The following PCCB variants were observed in gnomAD, a reference collection of about 807,000 sequenced individuals.
The protein encoded by PCCB is propionyl-CoA carboxylase beta chain, mitochondrial.
PCCB carries 43 observed loss-of-function variants against 60.7 expected under a neutral mutation model. The observed-to-expected ratio is 0.71, with a 90% CI of 0.55 to 0.91. PCCB has a LOEUF of 0.91. Ranked by LOEUF, PCCB falls within the 40% of genes least tolerant of loss-of-function variation. The pLI is 0.00. For synonymous variants in PCCB, 276 were observed against 255.9 expected (o/e 1.08, Z -0.75); for missense variants, 766 against 702.8 (o/e 1.09, Z -1.02).
In PCCB at chr3:136,279,663, A is replaced by T. The variant is rs1387275343; in HGVS notation, c.544-4174A>T. On this transcript the variant is annotated intron_variant, in intron 5 of 14. Coordinates refer to ENST00000251654, the MANE Select transcript of PCCB (RefSeq NM_000532.5). ...TTTCATGCATTTGCATTTTATTTTT[A>T]TTTATTTATTTATTTATTTTTTGAG... Among the ~76,000 whole-genome samples the T allele has an allele frequency of 2.6e-5, 4 of 151,582 alleles. No individual in the cohort carries two copies. In the East Asian group the frequency reaches 7.7e-4, roughly 29 times the overall value.
chr3:136,290,107 T>G (rs189684260), intron 6 of PCCB, among the ~76,000 whole-genome samples: 3 of 152,356 alleles, frequency 2.0e-5, no homozygotes, highest in Non-Finnish European at 4.4e-5. Context: ...CATTTATTCC[T>G]TCTTGAATGC....
rs534021409 is a variant in PCCB at position 136,294,323 on chromosome 3, T to G, written c.763+459T>G. The stretch of plus-strand genomic sequence containing the variant: ...ATTTGGTCATAGTTGTTAACTTCTT[T>G]TTTTTTGAGACAGGATCCAGCTCTG... On this transcript the variant is annotated intron_variant, in intron 7 of 14. Transcript: ENST00000251654. 3.3e-5 allele frequency among the ~76,000 whole-genome samples: 5 copies of G among 152,264 alleles called. No individual in the cohort carries two copies. The East Asian group carries it at 9.6e-4, about 29-fold the overall frequency.
chr3:136,299,977 CACAT>C lies in PCCB; in HGVS notation c.885-1052_885-1049del, dbSNP rs1006969656. Among the ~76,000 whole-genome samples the C allele has an allele frequency of 3.3e-5, 5 of 151,804 alleles. No homozygotes were observed. In the East Asian group the frequency reaches 5.8e-4, roughly 18 times the overall value. On this transcript the variant is annotated intron_variant, in intron 8 of 14. Transcript: ENST00000251654. ...ATATATACATGTATGCATGTATACACACATGCATGTGTATATATGCATACCCACA... is the reference window on the plus strand; with the variant it reads ...ATATATACATGTATGCATGTATACACGCATGTGTATATATGCATACCCACA...
At chr3:136,291,544 GAACT>G (rs1254853140) in intron 6 of PCCB, among the ~76,000 whole-genome samples, 1 of 151,032 alleles carries the variant, frequency 6.6e-6, no homozygotes, top group Non-Finnish European at 1.5e-5. Context: ...CTGTGCCTCT[GAACT>G]ATGAATGTCA....
chr3:136,301,504 C>T (rs1576342026), intron 9 of PCCB, among the ~76,000 whole-genome samples: 1 of 152,090 alleles, frequency 6.6e-6, no homozygotes, highest in East Asian at 1.9e-4. Context: ...AGAGAGTACA[C>T]AGGGCATCCT....
At chr3:136,310,535 C>G (rs891329644) in intron 9 of PCCB, among the ~76,000 whole-genome samples, 2 of 152,160 alleles carry the variant, frequency 1.3e-5, no homozygotes, top group Non-Finnish European at 2.9e-5. Flanking sequence ...CAAACAAACA[C>G]CAGGCCCAAA....
At chr3:136,257,889 C>T (rs772775041) in intron 3 of PCCB, among the ~76,000 whole-genome samples, 7 of 152,090 alleles carry the variant, frequency 4.6e-5, no homozygotes, top group Non-Finnish European at 1.0e-4. Flanking sequence ...GCCGAGTTTG[C>T]GCCACTGCAC....
intron 5 of PCCB, among the ~76,000 whole-genome samples, chr3:136,283,353 A>T (rs1466159397): frequency 6.6e-6 from 1 of 152,102 alleles, no homozygotes; most frequent in Non-Finnish European, 1.5e-5. Flanking sequence ...GACACTGGGT[A>T]CTCAGTGTCA....
chr3:136,263,626 T>C lies in PCCB; in HGVS notation c.543+1561T>C, dbSNP rs1941891210. Reference sequence around the variant, plus strand: ...TACTTTCAGATCTTCATTGCTTAATTAATTGCTTACTAATGCTGCTTGTCA... The same window carrying C: ...TACTTTCAGATCTTCATTGCTTAATCAATTGCTTACTAATGCTGCTTGTCA... On this transcript the variant is annotated intron_variant, in intron 5 of 14. Transcript: ENST00000251654. Among the ~76,000 whole-genome samples, 5 of 152,148 alleles carry C rather than the reference T, an allele frequency of 3.3e-5. No individual in the cohort carries two copies. The South Asian group carries it at 1.0e-3, about 32-fold the overall frequency.
At chr3:136,288,670 C>T (rs1933535896) in intron 6 of PCCB, among the ~76,000 whole-genome samples, 1 of 152,024 alleles carries the variant, frequency 6.6e-6, no homozygotes, top group South Asian at 2.1e-4. Context: ...GACAGGGTCT[C>T]ACTCTGTTGC....
intron 5 of PCCB, among the ~76,000 whole-genome samples, chr3:136,280,321 T>A (rs1276326552): frequency 1.3e-5 from 2 of 152,212 alleles, no homozygotes; most frequent in Non-Finnish European, 2.9e-5. Flanking sequence ...ATAAAGTTAT[T>A]GGTTGACCAG....
rs1240975507 is a variant in PCCB at position 136,253,008 on chromosome 3, C to T, written c.183+2450C>T. Reference sequence around the variant, plus strand: ...ATTTTTTGTTTGTTTTTGTTTTTTTCGGGGAGGGGGGGATAGGACAGTAGG... The same window carrying T: ...ATTTTTTGTTTGTTTTTGTTTTTTTTGGGGAGGGGGGGATAGGACAGTAGG... On this transcript the variant is annotated intron_variant, in intron 1 of 14. Transcript: ENST00000251654. Among the ~76,000 whole-genome samples, 16 of 125,980 alleles carry T rather than the reference C, an allele frequency of 1.3e-4. No individual in the cohort carries two copies. In the East Asian group the frequency reaches 2.5e-3, roughly 20 times the overall value. The allele number at this position is 125,980 out of a possible 152,430, so 82.6% of individuals were successfully genotyped here.
chr3:136,273,597 CTTTTTTT>C, intron 5 of PCCB, among the ~76,000 whole-genome samples: 17 of 45,234 alleles, frequency 3.8e-4, no homozygotes, highest in East Asian at 1.8e-3. Context: ...TTTCTTTTTT[CTTTTTTT>C]TTTTTTTTTT....
intron 10 of PCCB, among the ~76,000 whole-genome samples, chr3:136,318,338 C>G (rs1292695522): frequency 6.6e-5 from 10 of 151,958 alleles, no homozygotes; most frequent in Non-Finnish European, 1.3e-4. Context: ...TACAGTGAGC[C>G]GAGATCACGC....
intron 1 of PCCB, among the ~76,000 whole-genome samples, chr3:136,252,142 A>G (rs1216754909): frequency 6.6e-6 from 1 of 151,268 alleles, no homozygotes; most frequent in African/African-American, 2.4e-5. Context: ...TTGGCGTCCC[A>G]AAGTGTTGGG....
At chr3:136,320,601 T>C (rs1443752077) in intron 10 of PCCB, among the ~76,000 whole-genome samples, 1 of 152,244 alleles carries the variant, frequency 6.6e-6, no homozygotes, top group South Asian at 2.1e-4. Context: ...TCAAAATTTA[T>C]ATTGCTACAT....
intron 3 of PCCB, chr3:136,260,159 T>C: frequency 2.3e-6 from 1 of 427,062 alleles, no homozygotes; most frequent in East Asian, 5.2e-5. Flanking sequence ...CTGAAGCCTC[T>C]GTCTCCAGGG....
chr3:136,278,740 A>G (rs1037102414), intron 5 of PCCB, among the ~76,000 whole-genome samples: 2 of 152,200 alleles, frequency 1.3e-5, no homozygotes, highest in African/African-American at 4.8e-5. Context: ...AATGTTGCAT[A>G]TGCACTTGAC....
At chr3:136,314,862 TA>T (rs1934823761) in intron 9 of PCCB, among the ~76,000 whole-genome samples, 1 of 152,174 alleles carries the variant, frequency 6.6e-6, no homozygotes, top group Non-Finnish European at 1.5e-5. Context: ...AAATTCTTAT[TA>T]AATTGGAGAA....
Sources: allele counts gnomAD v4.1 joint callset (sites outside exome capture counted in the v4.1 genomes callset), GRCh38; gene constraint gnomAD v4.1.1; transcripts MANE v1.5; gene names NCBI Gene and HGNC (gene_info 2026-07-23, HGNC 2026-07-21).